Variants in BCKDHB observed in about 807,000 individuals in gnomAD.
BCKDHB encodes the protein branched chain keto acid dehydrogenase E1 subunit beta.
A neutral mutation model predicts 48.5 loss-of-function variants in BCKDHB; 41 were observed. The observed-to-expected ratio is 0.85, with a 90% confidence interval of 0.66 to 1.10. The LOEUF (loss-of-function observed/expected upper bound fraction) is 1.10, where lower values mean the gene tolerates loss of function less well. BCKDHB is among the 50% of genes least tolerant of loss of function. The probability of loss-of-function intolerance (pLI) is 0.00; values close to 1 mark genes in which losing one functional copy is unlikely to be tolerated. For missense variants in BCKDHB, 496 were observed against 494.2 expected, an observed-to-expected ratio of 1.00 and a Z score of -0.03; for synonymous variants, 201 against 174.8, an observed-to-expected ratio of 1.15 and a Z score of -1.18.
intron 9 of BCKDHB, among the ~76,000 whole-genome samples, chr6:80,327,123 C>T (rs1769069922): frequency 6.6e-6 from 1 of 152,152 alleles, no homozygotes; most frequent in Non-Finnish European, 1.5e-5. Flanking sequence ...AGTACAGATG[C>T]TCCCCAACTT....
chr6:80,288,496 T>G (rs757657477), intron 9 of BCKDHB, among the ~76,000 whole-genome samples: 2 of 152,060 alleles, frequency 1.3e-5, no homozygotes, highest in African/African-American at 4.8e-5. Flanking sequence ...AAGATCAGGA[T>G]CTCATAGAAA....
chr6:80,425,731 CT>C, the BCKDHB span, among the ~76,000 whole-genome samples: 1 of 152,076 alleles, frequency 6.6e-6, no homozygotes, highest in African/African-American at 2.4e-5. Flanking sequence ...TGATAGTATA[CT>C]TTTCTTAATG....
rs1378627828 is a variant in BCKDHB at position 80,237,956 on chromosome 6, A to G, written c.951+34744A>G. Among the ~76,000 whole-genome samples, 3 of 152,324 alleles carry G rather than the reference A, an allele frequency of 2.0e-5. No individual in the cohort carries two copies. The East Asian group carries it at 5.8e-4, about 29-fold the overall frequency. ...AAGGATGTTGTGTAGGAACTATTTC[A>G]TGTCTAGTTGAAATGTGTTATAAAA... On this transcript the variant is annotated intron_variant, in intron 8 of 9. Transcript: ENST00000320393.
the BCKDHB span, among the ~76,000 whole-genome samples, chr6:80,437,753 C>A: frequency 6.6e-6 from 1 of 152,124 alleles, no homozygotes. Context: ...TGAAAAAGCT[C>A]CTATGGTGCA....
intron 8 of BCKDHB, among the ~76,000 whole-genome samples, chr6:80,239,923 T>C (rs1348352807): frequency 6.6e-6 from 1 of 152,132 alleles, no homozygotes; most frequent in Non-Finnish European, 1.5e-5. Context: ...AGATGTGTGG[T>C]GTTACTTCTG....
At chr6:80,169,159 T>C in intron 5 of BCKDHB, 129 bp downstream of exon 5, 3 of 1,266,758 alleles carry the variant, frequency 2.4e-6, no homozygotes, top group South Asian at 1.3e-5. Context: ...TGAACTTAAC[T>C]GTATTTAAGA....
chr6:80,106,756 G>T lies in BCKDHB; in HGVS notation c.63G>T (p.Gly21=), dbSNP rs368345065. Residue 21 remains glycine (G), a synonymous_variant, in exon 1 of 10, where the codon GGG becomes GGT. Coordinates refer to ENST00000320393, the MANE Select transcript of BCKDHB (RefSeq NM_183050.4). ...GGCTCAGGGCGGCAGGGGCTGAGGG[G>T]CACTGGCGTCGGCTTCCTGGCGCGG... ...LLRLRAAGAE[G]HWRRLPGAGL... is the part of the protein sequence containing the mutation. 545 of 1,575,658 alleles carry T rather than the reference G, an allele frequency of 3.5e-4. 2 individuals carry two copies. Among genetic ancestry groups the T allele is most frequent in the Middle Eastern group, 3.2e-3 (16 of 4,948 alleles).
At position 80,148,148 on chromosome 6, in the gene BCKDHB, A is replaced by G. The variant is rs79099219; in HGVS notation, c.343+18919A>G. Among the ~76,000 whole-genome samples, 344 of 152,270 alleles carry G rather than the reference A, an allele frequency of 2.3e-3. 3 individuals carry two copies. Among genetic ancestry groups the G allele is most frequent in the Middle Eastern group, 3.4e-3 (1 of 294 alleles). ...GATTTCTTTAGTTCTGAAATGCTTGATTATACTCTGTATCCCAGCTTATTT... is the reference window on the plus strand; with the variant it reads ...GATTTCTTTAGTTCTGAAATGCTTGGTTATACTCTGTATCCCAGCTTATTT... On this transcript the variant is annotated intron_variant, in intron 3 of 9. Coordinates refer to ENST00000320393, the MANE Select transcript of BCKDHB (RefSeq NM_183050.4).
At chr6:80,117,558 C>T (rs955489282) in intron 1 of BCKDHB, among the ~76,000 whole-genome samples, 1 of 152,204 alleles carries the variant, frequency 6.6e-6, no homozygotes, top group Non-Finnish European at 1.5e-5. Flanking sequence ...TTCTTGATGA[C>T]CATGACACCC....
At chr6:80,384,894 G>T in the BCKDHB span, among the ~76,000 whole-genome samples, 1 of 152,140 alleles carries the variant, frequency 6.6e-6, no homozygotes, top group Non-Finnish European at 1.5e-5. Flanking sequence ...GATTTCTGGA[G>T]TTGGCTACTT....
chr6:80,141,728 C>T (rs1344254842), intron 3 of BCKDHB, among the ~76,000 whole-genome samples: 4 of 152,008 alleles, frequency 2.6e-5, no homozygotes, highest in Non-Finnish European at 5.9e-5. Flanking sequence ...ATCTTTTAAG[C>T]ATCACAAGAA....
intron 1 of BCKDHB, among the ~76,000 whole-genome samples, chr6:80,120,756 A>G (rs1033376862): frequency 5.3e-5 from 8 of 151,978 alleles, no homozygotes; most frequent in African/African-American, 1.7e-4. Flanking sequence ...TAGATTCTGG[A>G]TATTAGCCCT....
chr6:80,115,340 GT>G (rs1769632006), intron 1 of BCKDHB, among the ~76,000 whole-genome samples: 1 of 152,062 alleles, frequency 6.6e-6, no homozygotes, highest in Non-Finnish European at 1.5e-5. Context: ...AAAATGTTCT[GT>G]CCCTGACATT....
chr6:80,380,934 T>C, the BCKDHB span, among the ~76,000 whole-genome samples: 2 of 152,008 alleles, frequency 1.3e-5, no homozygotes, highest in South Asian at 2.1e-4. Context: ...GTTCTAATAA[T>C]TTTTTAGTGG....
chr6:80,175,737 T>G (rs1418447807), intron 6 of BCKDHB, among the ~76,000 whole-genome samples: 1 of 152,196 alleles, frequency 6.6e-6, no homozygotes, highest in African/African-American at 2.4e-5. Flanking sequence ...CTCTTTATAT[T>G]GTGGTAATAG....
At chr6:80,448,068 G>T in the BCKDHB span, among the ~76,000 whole-genome samples, 1 of 152,166 alleles carries the variant, frequency 6.6e-6, no homozygotes, top group Admixed American at 6.5e-5. Flanking sequence ...AAACGGAGGT[G>T]CTGGGATTAT....
At chr6:80,324,510 C>CA (rs1348922568) in intron 9 of BCKDHB, among the ~76,000 whole-genome samples, 1 of 151,086 alleles carries the variant, frequency 6.6e-6, no homozygotes, top group Non-Finnish European at 1.5e-5. Flanking sequence ...GCAGGAAACA[C>CA]AACATACCTG....
chr6:80,258,713 C>T (rs2127947174), intron 8 of BCKDHB, among the ~76,000 whole-genome samples: 1 of 150,678 alleles, frequency 6.6e-6, no homozygotes, highest in East Asian at 2.0e-4. Flanking sequence ...AAGGTGTGTA[C>T]ATGTATTCCT....
chr6:80,333,882 A>G (rs1300785091), intron 9 of BCKDHB, among the ~76,000 whole-genome samples: 1 of 152,126 alleles, frequency 6.6e-6, no homozygotes, highest in African/African-American at 2.4e-5. Context: ...GATTCCAGTC[A>G]CTAACTACCT....
Sources: allele counts gnomAD v4.1 joint callset (sites outside exome capture counted in the v4.1 genomes callset), GRCh38; gene constraint gnomAD v4.1.1; transcripts MANE v1.5; gene names NCBI Gene and HGNC (gene_info 2026-07-23, HGNC 2026-07-21).